The following SCHIP1 variants were observed in gnomAD, a reference collection of about 807,000 sequenced individuals.
SCHIP1 encodes the protein schwannomin interacting protein 1, also known as schwannomin-interacting protein 1.
A neutral mutation model predicts 29.7 loss-of-function variants in SCHIP1; 8 were observed. The ratio of observed to expected loss-of-function variants is 0.27; its 90% CI spans 0.16 to 0.49. The LOEUF is 0.49. Among genes scored for constraint, SCHIP1 ranks in the 20% least tolerant of loss-of-function variants. The pLI, the probability that SCHIP1 is intolerant of heterozygous loss-of-function variation, is 0.99. For missense variants in SCHIP1, 193 were observed against 294.6 expected (o/e 0.66, Z 2.52); for synonymous variants, 76 against 94.9 (o/e 0.80, Z 1.16).
At chr3:159,716,035 G>A in the SCHIP1 span, among the ~76,000 whole-genome samples, 1 of 152,218 alleles carries the variant, frequency 6.6e-6, no homozygotes. Context: ...AAGCCCATCA[G>A]ACTAACAGAG....
chr3:159,688,410 TA>T, the SCHIP1 span, among the ~76,000 whole-genome samples: 1 of 152,358 alleles, frequency 6.6e-6, no homozygotes, highest in Non-Finnish European at 1.5e-5. Flanking sequence ...TTTTGAGAAG[TA>T]TCTGTTCATA....
intron 2 of SCHIP1, among the ~76,000 whole-genome samples, chr3:159,879,760 G>A (rs973049836): frequency 1.3e-5 from 2 of 152,206 alleles, no homozygotes; most frequent in South Asian, 2.1e-4. Context: ...GGACACTGAT[G>A]TAGAATTAGA....
the SCHIP1 span, among the ~76,000 whole-genome samples, chr3:159,450,384 G>A: frequency 6.6e-6 from 1 of 152,174 alleles, no homozygotes; most frequent in Non-Finnish European, 1.5e-5. Context: ...TACATTGATA[G>A]AAGACTTTAG....
the SCHIP1 span, among the ~76,000 whole-genome samples, chr3:159,606,320 TA>T: frequency 1.7e-3 from 250 of 151,284 alleles, 1 homozygote; most frequent in South Asian, 0.014. Flanking sequence ...AGATGTATAA[TA>T]AAAAAAAATA....
At chr3:159,621,146 A>G in the SCHIP1 span, among the ~76,000 whole-genome samples, 1 of 152,214 alleles carries the variant, frequency 6.6e-6, no homozygotes, top group African/African-American at 2.4e-5. Flanking sequence ...TATCACTGTC[A>G]GGTGTGCTCC....
At chr3:159,600,436 C>T in the SCHIP1 span, among the ~76,000 whole-genome samples, 2 of 152,324 alleles carry the variant, frequency 1.3e-5, no homozygotes, top group African/African-American at 4.8e-5. Flanking sequence ...GACCTGTCTT[C>T]AAGTTCTGAG....
At chr3:159,818,617 T>A in the SCHIP1 span, among the ~76,000 whole-genome samples, 8 of 152,240 alleles carry the variant, frequency 5.3e-5, no homozygotes, top group Admixed American at 2.6e-4. Flanking sequence ...ACCAGCATGC[T>A]GTCTGTCATC....
chr3:159,571,498 T>C, the SCHIP1 span, among the ~76,000 whole-genome samples: 2 of 152,232 alleles, frequency 1.3e-5, no homozygotes, highest in African/African-American at 2.4e-5. Flanking sequence ...TTATGGTGGA[T>C]AAGCTTTTGA....
At chr3:159,896,651 T>C in intron 6 of SCHIP1, 72 bp from the exon 8 acceptor site, 8 of 1,443,532 alleles carry the variant, frequency 5.5e-6, no homozygotes, top group Non-Finnish European at 7.4e-6. Flanking sequence ...TGCAGGATGC[T>C]GTAGCTATTG....
the SCHIP1 span, among the ~76,000 whole-genome samples, chr3:159,617,944 T>C: frequency 6.6e-6 from 1 of 152,090 alleles, no homozygotes; most frequent in Non-Finnish European, 1.5e-5. Context: ...ACCTTTATTA[T>C]AATCCAGGGT....
At chr3:159,496,281 G>A in the SCHIP1 span, among the ~76,000 whole-genome samples, 2 of 152,178 alleles carry the variant, frequency 1.3e-5, no homozygotes, top group South Asian at 2.1e-4. Flanking sequence ...AAGAGCTTCT[G>A]CACAGCAAAA....
the SCHIP1 span, among the ~76,000 whole-genome samples, chr3:159,588,930 T>G: frequency 6.6e-6 from 1 of 152,344 alleles, no homozygotes; most frequent in South Asian, 2.1e-4. Context: ...GGCTTAGGAT[T>G]GTCTTGGCAA....
the SCHIP1 span, among the ~76,000 whole-genome samples, chr3:159,584,169 T>TA: frequency 1.3e-5 from 2 of 152,186 alleles, no homozygotes; most frequent in Non-Finnish European, 2.9e-5. Flanking sequence ...AGCTTCTCTT[T>TA]AAAAACAGTC....
At chr3:159,853,930 C>CT (rs1161567437) in intron 1 of SCHIP1, among the ~76,000 whole-genome samples, 6 of 151,838 alleles carry the variant, frequency 4.0e-5, no homozygotes, top group East Asian at 3.9e-4. Flanking sequence ...TTTCCCTGCC[C>CT]TTTTTTTTGA....
chr3:159,553,104 T>A, the SCHIP1 span, among the ~76,000 whole-genome samples: 2 of 152,228 alleles, frequency 1.3e-5, no homozygotes, highest in Admixed American at 1.3e-4. Context: ...ACCAAATAAT[T>A]TTCCTTTCTA....
the SCHIP1 span, among the ~76,000 whole-genome samples, chr3:159,720,077 AG>A: frequency 6.6e-6 from 1 of 152,188 alleles, no homozygotes; most frequent in African/African-American, 2.4e-5. Context: ...TGTCCTTTGT[AG>A]GGACATTGAC....
chr3:159,346,268 G>GA, the SCHIP1 span, among the ~76,000 whole-genome samples: 1 of 133,244 alleles, frequency 7.5e-6, no homozygotes, highest in African/African-American at 2.9e-5. Context: ...ACCCTTTCAG[G>GA]TTTTTTTTTT....
the SCHIP1 span, among the ~76,000 whole-genome samples, chr3:159,689,317 C>T: frequency 6.6e-6 from 1 of 152,122 alleles, no homozygotes; most frequent in Non-Finnish European, 1.5e-5. Flanking sequence ...CTTCACATCC[C>T]TTGTAAGTTG....
the SCHIP1 span, among the ~76,000 whole-genome samples, chr3:159,754,103 C>T: frequency 6.6e-6 from 1 of 152,276 alleles, no homozygotes; most frequent in East Asian, 1.9e-4. Flanking sequence ...TCTCTCTTAC[C>T]ACTTTATCCC....
Sources: allele counts gnomAD v4.1 joint callset (sites outside exome capture counted in the v4.1 genomes callset), GRCh38; gene constraint gnomAD v4.1.1; transcripts MANE v1.5; gene names NCBI Gene and HGNC (gene_info 2026-07-23, HGNC 2026-07-21).